ABCF2: variants seen among roughly 807,000 people sequenced by gnomAD.
ABCF2 encodes ATP binding cassette subfamily F member 2, also known as ATP-binding cassette sub-family F member 2.
ABCF2 carries 37 observed loss-of-function variants against 76.9 expected under a neutral mutation model. The observed-to-expected ratio is 0.48, with a 90% CI of 0.37 to 0.63. The LOEUF (loss-of-function observed/expected upper bound fraction) is 0.63. ABCF2 is among the 30% of genes least tolerant of loss of function. The pLI is 0.00. For missense variants in ABCF2, 524 were observed against 782.1 expected (o/e 0.67, Z 3.94); for synonymous variants, 299 against 283.7 (o/e 1.05, Z -0.54).
rs6464133 is a variant in ABCF2, at chr7:151,224,864, A to G, written c.279T>C (p.Leu93=). 0.69 allele frequency: 1,116,218 copies of G among 1,613,828 alleles called. 389,018 individuals carry two copies. The highest frequency in any genetic ancestry group is 0.9 in the East Asian group (40,218 of 44,870). Residue 93 remains leucine (L), a synonymous_variant, in exon 3 of 15, where the codon CTT becomes CTC. Coordinates refer to ENST00000287844, the MANE Select transcript of ABCF2 (RefSeq NM_007189.3). ...TGAGCAGCTCTTGACCATGAAAGGT[A>G]AGTGAGAGGTTGATGATGTGAACAT... is the stretch of plus-strand genomic sequence containing the variant. ...STDVHIINLS[L]TFHGQELLSD...
chr7:151,223,899 C>G (rs758595062), intron 4 of ABCF2, 33 bp downstream of exon 4: 3 of 1,605,946 alleles, frequency 1.9e-6, no homozygotes, highest in South Asian at 2.2e-5. Flanking sequence ...TCTGGGAGGA[C>G]GCCCACCCCT....
In ABCF2 at chr7:151,215,949, C is replaced by G. The variant is rs747717082; in HGVS notation, c.1401+18G>C. 1 of 1,613,764 alleles carries G rather than the reference C, an allele frequency of 6.2e-7. No homozygotes were observed. Among genetic ancestry groups the G allele is most frequent in the Non-Finnish European group, 8.5e-7 (1 of 1,179,694 alleles). On this transcript the variant is annotated intron_variant, in intron 12 of 14. Transcript: ENST00000287844. The surrounding 1 kb of genome is among the most constrained non-coding windows in gnomAD (Gnocchi z 4.6). ...TATACCCTGGGCAATTCCCCGGATC[C>G]CAACCCCAGGCCTGTACCTGATGGT...
At position 151,211,887 on chromosome 7, in the gene ABCF2, C is replaced by T. The variant is rs904422796; in HGVS notation, c.*2167G>A. On this transcript the variant is annotated 3_prime_UTR_variant, in exon 15 of 15. Transcript: ENST00000287844. ...CTCAGCTGCAGTGTCTCACGGGAGGCTCCTGTCCCTGTTGCCCAGGGCAGC... is the reference window on the plus strand; with the variant it reads ...CTCAGCTGCAGTGTCTCACGGGAGGTTCCTGTCCCTGTTGCCCAGGGCAGC... 2 of 985,322 alleles carry T rather than the reference C, an allele frequency of 2.0e-6. No homozygotes were observed. Among genetic ancestry groups the T allele is most frequent in the Non-Finnish European group, 2.4e-6 (2 of 829,940 alleles). 61.0% of individuals were successfully genotyped at this position (985,322 alleles called of 1,614,324 possible). A position where few individuals can be genotyped will look rare whatever the true frequency, so the allele number is the denominator to read the frequency against.
In ABCF2 at chr7:151,224,861, G is replaced by A. The variant is rs1208595346; in HGVS notation, c.282C>T (p.Thr94=). 2 of 1,614,202 alleles carry A rather than the reference G, an allele frequency of 1.2e-6. No homozygotes were observed. Among genetic ancestry groups the A allele is most frequent in the East Asian group, 2.2e-5 (1 of 44,880 alleles). The change falls in exon 3 of 15, where the codon ACC becomes ACT. Residue 94 remains threonine (T), a synonymous_variant. Coordinates refer to ENST00000287844, the MANE Select transcript of ABCF2 (RefSeq NM_007189.3). ...CACTGAGCAGCTCTTGACCATGAAA[G>A]GTAAGTGAGAGGTTGATGATGTGAA... ...TDVHIINLSL[T]FHGQELLSDT...
At chr7:151,226,693 T>G in intron 1 of ABCF2, 193 bp from the exon 2 acceptor site, 1 of 456,262 alleles carries the variant, frequency 2.2e-6, no homozygotes. Flanking sequence ...CTTCTAATCT[T>G]AACATCTCTT....
intron 7 of ABCF2, among the ~76,000 whole-genome samples, chr7:151,220,387 C>CAAAAA (rs10706364): frequency 1.2e-5 from 1 of 82,486 alleles, no homozygotes; most frequent in African/African-American, 4.8e-5. Context: ...GACTCCAGCT[C>CAAAAA]AAAAAAAAAA....
Position 151,215,055 on chromosome 7 carries a change from C to T in ABCF2, c.1558G>A (p.Gly520Arg), listed in dbSNP as rs1215559988. Residue 520 changes from glycine (G) to arginine (R), a missense_variant, in exon 14 of 15, where the codon GGG (glycine) becomes AGG (arginine). Physicochemically the swap from Gly to Arg is moderately radical, Grantham distance 125 (BLOSUM62 -2). Around this residue, in one of 2 missense-constraint regions of ABCF2, gnomAD observed 194 missense variants for 348.6 expected, o/e 0.56. Coordinates refer to ENST00000287844, the MANE Select transcript of ABCF2 (RefSeq NM_007189.3). This position sits in a 1 kb window ranked among gnomAD's most constrained non-coding sequence, Gnocchi z 4.6. ...GCCAGACACACTCGGCACTTCTGCC[C>T]GTCTGACAAGTTCCGGATTGGGCTC... ...QVSPIRNLSD[G>R]QKCRVCLAWL... is the part of the protein sequence containing the mutation. 3.7e-6 allele frequency: 6 copies of T among 1,613,964 alleles called. No homozygotes were observed. The highest frequency in any genetic ancestry group is 2.2e-5 in the East Asian group (1 of 44,868).
chr7:151,214,633 T>C lies in ABCF2; in HGVS notation c.1734+246A>G, dbSNP rs1270362923. Among the ~76,000 whole-genome samples the C allele has an allele frequency of 6.6e-6, 1 of 152,206 alleles. No homozygotes were observed. The highest frequency in any genetic ancestry group is 1.9e-4 in the East Asian group (1 of 5,200). On this transcript the variant is annotated intron_variant, in intron 14 of 14. Coordinates refer to ENST00000287844, the MANE Select transcript of ABCF2 (RefSeq NM_007189.3). This position sits in a 1 kb window ranked among gnomAD's most constrained non-coding sequence, Gnocchi z 4.9. ...GTTTTCTACCCAACTCTCTTTCCCA[T>C]TTGGGCCCAAAATGCTAAGTTGGTT...
chr7:151,217,251 C>T (rs1393750688), intron 11 of ABCF2, among the ~76,000 whole-genome samples: 4 of 152,112 alleles, frequency 2.6e-5, no homozygotes, highest in African/African-American at 9.7e-5. Flanking sequence ...CACTCACACA[C>T]CCGCACTCAT....
chr7:151,222,895 G>C (rs1323859858), intron 5 of ABCF2, among the ~76,000 whole-genome samples: 1 of 152,162 alleles, frequency 6.6e-6, no homozygotes, highest in Admixed American at 6.5e-5. Context: ...CTTGTGCACT[G>C]AAGTTGGAGA....
intron 7 of ABCF2, 108 bp from the exon 8 acceptor site, chr7:151,219,267 CT>C: frequency 1.1e-6 from 1 of 904,822 alleles, no homozygotes; most frequent in Non-Finnish European, 1.8e-6. Flanking sequence ...TTGGCCCTGG[CT>C]CTAAGGCTGT....
intron 11 of ABCF2, 64 bp from the exon 12 acceptor site, chr7:151,216,093 G>C: frequency 6.9e-7 from 1 of 1,439,526 alleles, no homozygotes; most frequent in South Asian, 1.1e-5. Flanking sequence ...AACATAGGCA[G>C]AGCAGGCAAA....
chr7:151,216,458 A>G (rs954646633), intron 11 of ABCF2, among the ~76,000 whole-genome samples: 3 of 152,232 alleles, frequency 2.0e-5, no homozygotes, highest in Non-Finnish European at 4.4e-5. Flanking sequence ...AACTGATATA[A>G]ACAAGAATTA....
At position 151,214,487 on chromosome 7, in the gene ABCF2, C is replaced by T. The variant is rs964401546; in HGVS notation, c.1735-296G>A. 2.6e-5 allele frequency among the ~76,000 whole-genome samples: 4 copies of T among 152,164 alleles called. No individual in the cohort carries two copies. Among genetic ancestry groups the T allele is most frequent in the Non-Finnish European group, 4.4e-5 (3 of 68,026 alleles). On this transcript the variant is annotated intron_variant, in intron 14 of 14. Transcript: ENST00000287844. This position sits in a 1 kb window ranked among gnomAD's most constrained non-coding sequence, Gnocchi z 4.9. ...TCTTTTCTCCACCTCTCATCTTCCC[C>T]AGAGCTTCAGAGGAATGAGCAACAA...
At position 151,223,977 on chromosome 7, in the gene ABCF2, G is replaced by A. The variant is rs767028469; in HGVS notation, c.505C>T (p.Arg169Trp). ...LHCVMEVDTE[R>W]AMLEKEAERL... The stretch of plus-strand genomic sequence containing the variant: ...TCTGCCTCTTTCTCCAGCATGGCCC[G>A]CTCTGTGTCGACTTCCATCACACAA... Residue 169 changes from arginine (R) to tryptophan (W), a missense_variant, in exon 4 of 15, where the codon CGG becomes TGG. Physicochemically the swap from Arg to Trp is moderately radical, Grantham distance 101 (BLOSUM62 -3). This residue lies in a region of ABCF2 where 330 missense variants were observed against 433.6 expected (regional missense o/e 0.76). Coordinates refer to ENST00000287844, the MANE Select transcript of ABCF2 (RefSeq NM_007189.3). 3 of 1,613,952 alleles carry A rather than the reference G, an allele frequency of 1.9e-6. No homozygotes were observed. Among genetic ancestry groups the A allele is most frequent in the South Asian group, 1.1e-5 (1 of 91,082 alleles).
At chr7:151,216,702 A>G (rs1186105038) in intron 11 of ABCF2, among the ~76,000 whole-genome samples, 1 of 151,870 alleles carries the variant, frequency 6.6e-6, no homozygotes, top group East Asian at 1.9e-4. Context: ...TTTAGTAGAG[A>G]GGGGGTTTCA....
chr7:151,213,773 C>A lies in ABCF2; in HGVS notation c.*281G>T. 8.2e-7 allele frequency: 1 copy of A among 1,222,222 alleles called. No individual in the cohort carries two copies. The highest frequency in any genetic ancestry group is 1.0e-6 in the Non-Finnish European group (1 of 978,254). 75.7% of individuals were successfully genotyped at this position (1,222,222 alleles called of 1,614,324 possible). A position where few individuals can be genotyped will look rare whatever the true frequency, so the allele number is the denominator to read the frequency against. ...AACCCGCAGGTGCCTCTGACTGCAT[C>A]ACACTCAGAGTAAGATAACCAGCAA... On this transcript the variant is annotated 3_prime_UTR_variant, in exon 15 of 15. Transcript: ENST00000287844.
At chr7:151,216,440 C>A (rs574820975) in intron 11 of ABCF2, among the ~76,000 whole-genome samples, 1 of 152,254 alleles carries the variant, frequency 6.6e-6, no homozygotes, top group East Asian at 1.9e-4. Context: ...CTAATTTTGC[C>A]ACAGGCTAAC....
chr7:151,215,490 G>A lies in ABCF2; in HGVS notation c.1530+114C>T. ...AGGTTCTTAGGGGAGTCAAATGGAG[G>A]AGACTCTGGTTTGGACAGCTTCCAA... On this transcript the variant is annotated intron_variant, in intron 13 of 14. Transcript: ENST00000287844. The surrounding 1 kb of genome is among the most constrained non-coding windows in gnomAD (Gnocchi z 4.6). 1.4e-5 allele frequency: 19 copies of A among 1,314,598 alleles called. No individual in the cohort carries two copies. Among genetic ancestry groups the A allele is most frequent in the Middle Eastern group, 2.6e-4 (1 of 3,790 alleles). 81.4% of individuals were successfully genotyped at this position (1,314,598 alleles called of 1,614,324 possible). A position where few individuals can be genotyped will look rare whatever the true frequency, so the allele number is the denominator to read the frequency against.
Sources: gnomAD v4.1 joint callset for allele counts (sites outside exome capture counted in the v4.1 genomes callset) on GRCh38, gnomAD v4.1.1 for gene constraint, gnomAD v4.1.1 regional missense constraint, Gnocchi (gnomAD v3.1) non-coding constraint, MANE v1.5 for transcripts, NCBI Gene and HGNC (gene_info 2026-07-23, HGNC 2026-07-21) for gene names.